The following PHF24 variants were observed in gnomAD, a reference collection of about 807,000 sequenced individuals.
PHF24 encodes the protein PHD finger protein 24.
A neutral mutation model predicts 42.6 loss-of-function variants in PHF24; 25 were observed. The observed-to-expected ratio is 0.59, with a 90% CI of 0.43 to 0.82. The LOEUF (loss-of-function observed/expected upper bound fraction) is 0.82, where lower values mean the gene tolerates loss of function less well. Ranked by LOEUF, PHF24 falls within the 40% of genes least tolerant of loss-of-function variation. The pLI is 0.00. For synonymous variants in PHF24, 185 were observed against 204.8 expected (o/e 0.90, Z 0.83); for missense variants, 470 against 538.1 (o/e 0.87, Z 1.25).
the PHF24 span, among the ~76,000 whole-genome samples, chr9:34,702,097 G>A: frequency 2.0e-5 from 3 of 152,280 alleles, no homozygotes; most frequent in African/African-American, 7.2e-5. Context: ...AAGGGCTATA[G>A]CCTGACATGG....
At chr9:34,793,806 C>T in the PHF24 span, among the ~76,000 whole-genome samples, 1 of 151,440 alleles carries the variant, frequency 6.6e-6, no homozygotes, top group Non-Finnish European at 1.5e-5. Context: ...GTGTCCCAGC[C>T]CCCAAGCAAT....
chr9:34,845,552 C>T, the PHF24 span, among the ~76,000 whole-genome samples: 1 of 152,112 alleles, frequency 6.6e-6, no homozygotes, highest in African/African-American at 2.4e-5. Flanking sequence ...ATGATTACAA[C>T]AGGTTACTTT....
At chr9:34,689,832 C>T in the PHF24 span, 27 of 1,614,010 alleles carry the variant, frequency 1.7e-5, no homozygotes, top group East Asian at 8.9e-5. The surrounding 1 kb of genome is among the most constrained non-coding windows in gnomAD (Gnocchi z 4.1). Flanking sequence ...ACTGCTGCGG[C>T]GCTTCATCTA....
the PHF24 span, chr9:34,837,298 G>A: frequency 2.8e-6 from 1 of 351,930 alleles, no homozygotes; most frequent in Non-Finnish European, 5.6e-6. Flanking sequence ...TTGTTCTTCT[G>A]TGCCCATTCT....
chr9:34,733,476 G>T, the PHF24 span, among the ~76,000 whole-genome samples: 1 of 150,284 alleles, frequency 6.7e-6, no homozygotes, highest in South Asian at 2.1e-4. Flanking sequence ...GAATTTATTA[G>T]TCTTTTATTT....
chr9:34,939,580 G>C, the PHF24 span, among the ~76,000 whole-genome samples: 1 of 152,130 alleles, frequency 6.6e-6, no homozygotes, highest in African/African-American at 2.4e-5. Flanking sequence ...CATAAGAATG[G>C]ACCTGCCATA....
At chr9:34,787,048 C>G in the PHF24 span, among the ~76,000 whole-genome samples, 1 of 151,974 alleles carries the variant, frequency 6.6e-6, no homozygotes, top group South Asian at 2.1e-4. Flanking sequence ...CCAGCGCTCA[C>G]CTCCAGAGCA....
chr9:34,915,131 C>G, the PHF24 span, among the ~76,000 whole-genome samples: 2 of 146,980 alleles, frequency 1.4e-5, no homozygotes, highest in Middle Eastern at 3.7e-3. Context: ...CTCCTGGGCT[C>G]AAGCTATCCT....
chr9:34,918,106 AC>A, the PHF24 span: 3 of 1,544,062 alleles, frequency 1.9e-6, no homozygotes, highest in Non-Finnish European at 2.7e-6. Flanking sequence ...AACATCAACA[AC>A]TTTTCTGCTG....
At chr9:34,930,672 T>A in the PHF24 span, among the ~76,000 whole-genome samples, 1 of 152,108 alleles carries the variant, frequency 6.6e-6, no homozygotes, top group African/African-American at 2.4e-5. Context: ...ATTGATGTTT[T>A]TTAGAAGAAC....
chr9:34,676,788 GGC>G, the PHF24 span, among the ~76,000 whole-genome samples: 1 of 152,178 alleles, frequency 6.6e-6, no homozygotes, highest in African/African-American at 2.4e-5. Context: ...AGGGGGAGCA[GGC>G]ATCTCATATG....
At chr9:34,789,781 T>C in the PHF24 span, among the ~76,000 whole-genome samples, 1 of 152,236 alleles carries the variant, frequency 6.6e-6, no homozygotes, top group Non-Finnish European at 1.5e-5. Context: ...AATAGGCATA[T>C]GCGTGCCATA....
At chr9:34,689,888 A>G in the PHF24 span, 1 of 1,614,072 alleles carries the variant, frequency 6.2e-7, no homozygotes, top group Middle Eastern at 1.6e-4. This position sits in a 1 kb window ranked among gnomAD's most constrained non-coding sequence, Gnocchi z 4.1. Flanking sequence ...CTTAGACAGG[A>G]GCTCAGAGGG....
At chr9:34,756,544 G>C in the PHF24 span, among the ~76,000 whole-genome samples, 39 of 152,058 alleles carry the variant, frequency 2.6e-4, no homozygotes, top group Non-Finnish European at 5.3e-4. Flanking sequence ...TTTATTTCTT[G>C]GTTCTCTAGT....
intron 1 of PHF24, among the ~76,000 whole-genome samples, chr9:34,969,637 T>A (rs1465452719): frequency 7.0e-6 from 1 of 143,050 alleles, no homozygotes; most frequent in Non-Finnish European, 1.5e-5. Flanking sequence ...CGAGACTCTG[T>A]CTCAAAAAAA....
At chr9:34,806,975 A>G in the PHF24 span, among the ~76,000 whole-genome samples, 6 of 152,174 alleles carry the variant, frequency 3.9e-5, no homozygotes, top group African/African-American at 1.4e-4. Flanking sequence ...TTCTGTATAC[A>G]AGATCATATC....
At chr9:34,901,613 A>AG in the PHF24 span, among the ~76,000 whole-genome samples, 24 of 152,176 alleles carry the variant, frequency 1.6e-4, no homozygotes, top group Non-Finnish European at 3.5e-4. Flanking sequence ...AAATAAAAAT[A>AG]GGGGGTCGGG....
chr9:34,682,637 C>CTATT, the PHF24 span, among the ~76,000 whole-genome samples: 1 of 152,046 alleles, frequency 6.6e-6, no homozygotes, highest in African/African-American at 2.4e-5. Flanking sequence ...GAGAAACTTC[C>CTATT]TATTATATTA....
chr9:34,758,632 G>T, the PHF24 span, among the ~76,000 whole-genome samples: 1 of 152,082 alleles, frequency 6.6e-6, no homozygotes, highest in African/African-American at 2.4e-5. The surrounding 1 kb of genome is among the most constrained non-coding windows in gnomAD (Gnocchi z 4.4). Context: ...CCCAGAGCAG[G>T]GTACACTTCA....
Sources: allele counts gnomAD v4.1 joint callset (sites outside exome capture counted in the v4.1 genomes callset), GRCh38; gene constraint gnomAD v4.1.1; non-coding constraint Gnocchi (gnomAD v3.1); transcripts MANE v1.5; gene names NCBI Gene and HGNC (gene_info 2026-07-23, HGNC 2026-07-21).